The following CACNA1A variants were observed in gnomAD, a reference collection of about 807,000 sequenced individuals.
The protein encoded by CACNA1A is voltage-dependent P/Q-type calcium channel subunit alpha-1A.
CACNA1A carries 57 observed loss-of-function variants against 262.4 expected under a neutral mutation model. The ratio of observed to expected loss-of-function variants is 0.22; its 90% CI spans 0.18 to 0.27. The LOEUF (loss-of-function observed/expected upper bound fraction) is 0.27, where lower values mean the gene tolerates loss of function less well. CACNA1A is among the 10% of genes least tolerant of loss of function. CACNA1A has a pLI of 1.00. For missense variants in CACNA1A, 2,526 were observed against 3,562.8 expected (o/e 0.71, Z 7.41); for synonymous variants, 1,431 against 1,419.3 (o/e 1.01, Z -0.18).
intron 17 of CACNA1A, among the ~76,000 whole-genome samples, chr19:13,302,850 CTTGGT>C (rs1253350075): frequency 2.6e-5 from 4 of 152,212 alleles, no homozygotes; most frequent in African/African-American, 7.2e-5. Flanking sequence ...GCAACGTCTG[CTTGGT>C]TTGGTTCAAT....
chr19:13,307,030 G>A (rs2057918387), intron 15 of CACNA1A, among the ~76,000 whole-genome samples: 2 of 151,908 alleles, frequency 1.3e-5, no homozygotes, highest in South Asian at 4.2e-4. Context: ...TGGTGTGATT[G>A]TAGCTTACTG....
intron 25 of CACNA1A, chr19:13,262,517 A>G (rs2056757994): frequency 3.8e-6 from 2 of 523,136 alleles, no homozygotes; most frequent in African/African-American, 3.8e-5. Context: ...CACTTCATCT[A>G]AAGAAAAACT....
chr19:13,360,233 A>T (rs1206324887), intron 5 of CACNA1A, among the ~76,000 whole-genome samples: 1 of 142,198 alleles, frequency 7.0e-6, no homozygotes, highest in African/African-American at 2.5e-5. Context: ...GTTTTTTAAA[A>T]AAACTTATTA....
intron 20 of CACNA1A, 147 bp downstream of exon 20, chr19:13,286,356 G>T (rs1038434689): frequency 1.3e-5 from 6 of 462,770 alleles, no homozygotes; most frequent in Non-Finnish European, 2.3e-5. Context: ...CAGCCCTGTG[G>T]GGTAGGAAAC....
chr19:13,442,345 A>ATT (rs1180682946), intron 3 of CACNA1A, among the ~76,000 whole-genome samples: 1 of 152,158 alleles, frequency 6.6e-6, no homozygotes, highest in Non-Finnish European at 1.5e-5. Context: ...AAGCCAGGGT[A>ATT]TTTATACACT....
intron 3 of CACNA1A, among the ~76,000 whole-genome samples, chr19:13,374,254 T>C (rs1486143727): frequency 2.0e-5 from 3 of 152,120 alleles, no homozygotes; most frequent in Non-Finnish European, 2.9e-5. Context: ...AATTTATTTA[T>C]TTTTATTTTT....
At chr19:13,286,419 C>A in intron 20 of CACNA1A, 84 bp downstream of exon 20, 1 of 599,528 alleles carries the variant, frequency 1.7e-6, no homozygotes, top group Non-Finnish European at 2.8e-6. Flanking sequence ...GAGATGGGGT[C>A]ACAGTCCAGG....
chr19:13,473,652 GTT>G (rs1254748882), intron 1 of CACNA1A, among the ~76,000 whole-genome samples: 4 of 152,042 alleles, frequency 2.6e-5, no homozygotes, highest in African/African-American at 7.2e-5. Context: ...TTCTTTTCCT[GTT>G]ACAAGTTCCA....
At chr19:13,243,412 G>A in intron 31 of CACNA1A, among the ~76,000 whole-genome samples, 1 of 152,162 alleles carries the variant, frequency 6.6e-6, no homozygotes, top group Admixed American at 6.5e-5. Context: ...GGACGGAAGA[G>A]CAGGCAAACA....
chr19:13,208,354 T>C lies in CACNA1A; in HGVS notation c.6781-301A>G, dbSNP rs531611739. ...AAATGGAGTTTTGTAAGTTTCGGGG[T>C]TAAAAATAGCAGAAGTTTCAAAAAT... On this transcript the variant is annotated intron_variant, in intron 46 of 46. Coordinates refer to ENST00000360228, the MANE Select transcript of CACNA1A (RefSeq NM_001127222.2). 4.0e-5 allele frequency among the ~76,000 whole-genome samples: 6 copies of C among 151,042 alleles called. 1 individual carries two copies. Among genetic ancestry groups the C allele is most frequent in the African/African-American group, 1.5e-4 (6 of 41,102 alleles).
intron 3 of CACNA1A, among the ~76,000 whole-genome samples, chr19:13,394,128 T>C (rs554575326): frequency 6.6e-6 from 1 of 152,328 alleles, no homozygotes; most frequent in South Asian, 2.1e-4. Flanking sequence ...CCAAGTCTTA[T>C]GCATTATTTT....
intron 6 of CACNA1A, among the ~76,000 whole-genome samples, chr19:13,346,933 G>A (rs1033025100): frequency 4.6e-5 from 7 of 150,952 alleles, no homozygotes; most frequent in African/African-American, 1.7e-4. Context: ...GCCTGCCTTG[G>A]CCTCCCAATG....
intron 38 of CACNA1A, among the ~76,000 whole-genome samples, chr19:13,223,660 A>G (rs2055321880): frequency 1.3e-5 from 2 of 152,092 alleles, no homozygotes; most frequent in South Asian, 4.1e-4. Flanking sequence ...CCTCACTCAG[A>G]AGGTGAGTCA....
chr19:13,212,785 G>T lies in CACNA1A; in HGVS notation c.5941-45C>A. The T allele has an allele frequency of 1.0e-6, 1 of 956,578 alleles. No homozygotes were observed. The allele number at this position is 956,578 out of a possible 1,614,324, so 59.3% of individuals were successfully genotyped here. On this transcript the variant is annotated intron_variant, in intron 40 of 46. Transcript: ENST00000360228. This position sits in a 1 kb window ranked among gnomAD's most constrained non-coding sequence, Gnocchi z 5.6. ...GCAGTGTGTGGACAAGGGTGGGGTGGTGGGACGGTGGTACCCAGAAGGCAT... is the reference window on the plus strand; with the variant it reads ...GCAGTGTGTGGACAAGGGTGGGGTGTTGGGACGGTGGTACCCAGAAGGCAT...
At position 13,207,325 on chromosome 19, in the gene CACNA1A, A is replaced by C; in HGVS notation, c.7509T>G (p.Asp2503Glu). The change falls in exon 47 of 47, where the codon GAT becomes GAG. Residue 2503 changes from aspartate (D) to glutamate (E), a missense_variant. Coordinates refer to ENST00000360228, the MANE Select transcript of CACNA1A (RefSeq NM_001127222.2). This position sits in a 1 kb window ranked among gnomAD's most constrained non-coding sequence, Gnocchi z 5.7. Reference sequence around the variant, plus strand: ...ACCTCGCCCGGGCTTAGCACCAATCATCGTCACTCTCGCTGTAGGGTTCGT... The same window carrying C: ...ACCTCGCCCGGGCTTAGCACCAATCCTCGTCACTCTCGCTGTAGGGTTCGT... ...GLHEPYSESD[D>E]DWC 1 of 1,559,966 alleles carries C rather than the reference A, an allele frequency of 6.4e-7. No homozygotes were observed. The highest frequency in any genetic ancestry group is 1.2e-5 in the South Asian group (1 of 86,940).
intron 30 of CACNA1A, among the ~76,000 whole-genome samples, chr19:13,248,859 T>TA (rs1555741776): frequency 1.3e-5 from 2 of 150,116 alleles, no homozygotes; most frequent in Non-Finnish European, 3.0e-5. Flanking sequence ...AAAAAAATAA[T>TA]AATAAATTAC....
chr19:13,244,679 G>T (rs2056180580), intron 31 of CACNA1A: 1 of 154,100 alleles, frequency 6.5e-6, no homozygotes, highest in African/African-American at 2.4e-5. Flanking sequence ...CAGGCCCGGG[G>T]CTAGAGGAGG....
Position 13,230,227 on chromosome 19 carries a change from A to G in CACNA1A, c.5401-18T>C, listed in dbSNP as rs1388789965. 19 of 1,613,634 alleles carry G rather than the reference A, an allele frequency of 1.2e-5. No individual in the cohort carries two copies. The highest frequency in any genetic ancestry group is 3.3e-4 in the Middle Eastern group (2 of 6,062). ...TTCAGCATCTGTGGGGACCCCGGGGACCAAGAGAGAATGGGGGCAGAGACC... is the reference window on the plus strand; with the variant it reads ...TTCAGCATCTGTGGGGACCCCGGGGGCCAAGAGAGAATGGGGGCAGAGACC... On this transcript the variant is annotated intron_variant, in intron 35 of 46. Transcript: ENST00000360228.
intron 17 of CACNA1A, among the ~76,000 whole-genome samples, chr19:13,301,342 A>G (rs550133981): frequency 1.3e-5 from 2 of 152,252 alleles, no homozygotes; most frequent in South Asian, 4.1e-4. Flanking sequence ...CTCTGAACCA[A>G]CTTTCAAAAA....
Sources: allele counts gnomAD v4.1 joint callset (sites outside exome capture counted in the v4.1 genomes callset), GRCh38; gene constraint gnomAD v4.1.1; non-coding constraint Gnocchi (gnomAD v3.1); transcripts MANE v1.5; gene names NCBI Gene and HGNC (gene_info 2026-07-23, HGNC 2026-07-21).